The following ZNF816 variants were observed in gnomAD, a reference collection of about 807,000 sequenced individuals.
The protein encoded by ZNF816 is zinc finger protein 816A.
A neutral mutation model predicts 8.3 loss-of-function variants in ZNF816; 11 were observed. The ratio of observed to expected loss-of-function variants is 1.32; its 90% CI spans 0.83 to 2.19. The LOEUF (loss-of-function observed/expected upper bound fraction) is 2.19, where lower values mean the gene tolerates loss of function less well. ZNF816 is among the 30% of genes most tolerant of loss of function. The pLI is 0.00. For missense variants in ZNF816, 710 were observed against 779.3 expected, an observed-to-expected ratio of 0.91 and a Z score of 1.06; for synonymous variants, 255 against 254.5, an observed-to-expected ratio of 1.00 and a Z score of -0.02.
At chr19:52,958,307 G>A (rs1030961178) in intron 1 of ZNF816, among the ~76,000 whole-genome samples, 8 of 152,200 alleles carry the variant, frequency 5.3e-5, no homozygotes, top group Admixed American at 3.3e-4. Context: ...GCTGCCAGCT[G>A]AGGACAGCTG....
rs971769221 is a variant in ZNF816, at chr19:52,958,411, A to G, written c.-15-2307T>C. Among the ~76,000 whole-genome samples the G allele has an allele frequency of 8.5e-5, 13 of 152,244 alleles. 1 individual carries two copies. The highest frequency in any genetic ancestry group is 6.5e-4 in the Admixed American group (10 of 15,302). On this transcript the variant is annotated intron_variant, in intron 1 of 3. Coordinates refer to ENST00000444460, the MANE Select transcript of ZNF816 (RefSeq NM_001202457.3). ...TTGCCTTTCAGTAGGAAGATCTGGG[A>G]TCAGGTGTCACTGCTCAGTACTCTT...
chr19:52,950,125 T>G lies in ZNF816; in HGVS notation c.1650A>C (p.Ser550=), dbSNP rs1226227657. The part of the protein sequence containing the change: ...KVCDKAFRSD[S]CLANHTRVHT... ...GAACTCTCGTATGGTTTGCAAGGCA[T>G]GAATCACTCCGGAAAGCCTTGTCAC... is the stretch of plus-strand genomic sequence containing the variant. The change falls in exon 4 of 4, where the codon TCA becomes TCC. Residue 550 remains serine (S), a synonymous_variant. Transcript: ENST00000444460. The G allele has an allele frequency of 6.2e-7, 1 of 1,614,166 alleles. No homozygotes were observed. Among genetic ancestry groups the G allele is most frequent in the African/African-American group, 1.3e-5 (1 of 75,064 alleles).
At chr19:52,958,877 G>A (rs2083532559) in intron 1 of ZNF816, among the ~76,000 whole-genome samples, 1 of 152,174 alleles carries the variant, frequency 6.6e-6, no homozygotes, top group South Asian at 2.1e-4. Context: ...AAAGGGGCAG[G>A]ACCAGGAACC....
chr19:52,952,400 A>C (rs933811809), intron 3 of ZNF816: 1 of 407,284 alleles, frequency 2.5e-6, no homozygotes, highest in East Asian at 3.7e-5. Flanking sequence ...AAACAAAACC[A>C]CAAGCACAGC....
rs1005923415 is a variant in ZNF816 at position 52,949,546 on chromosome 19, T to C, written c.*273A>G. The C allele has an allele frequency of 7.5e-6, 5 of 666,816 alleles. No homozygotes were observed. The allele number at this position is 666,816 out of a possible 1,614,324, so 41.3% of individuals were successfully genotyped here. A position where few individuals can be genotyped will look rare whatever the true frequency, so the allele number is the denominator to read the frequency against. ...TCTGATGTCTAATGAGGTGTGAACA[T>C]GAAGTAAAGGCTTTGCCACAATCAT... On this transcript the variant is annotated 3_prime_UTR_variant, in exon 4 of 4. Coordinates refer to ENST00000444460, the MANE Select transcript of ZNF816 (RefSeq NM_001202457.3).
At position 52,957,617 on chromosome 19, in the gene ZNF816, C is replaced by T. The variant is rs569958959; in HGVS notation, c.-15-1513G>A. The stretch of plus-strand genomic sequence containing the variant: ...AAAGACATTGATTTTCGTATTGATA[C>T]CAGTGCTGAACATTCAGTAGTAACC... On this transcript the variant is annotated intron_variant, in intron 1 of 3. Transcript: ENST00000444460. This position sits in a 1 kb window ranked among gnomAD's most constrained non-coding sequence, Gnocchi z 4.6. 6.6e-6 allele frequency among the ~76,000 whole-genome samples: 1 copy of T among 152,250 alleles called. No homozygotes were observed. The highest frequency in any genetic ancestry group is 2.4e-5 in the African/African-American group (1 of 41,548).
chr19:52,953,392 CAAA>C, intron 2 of ZNF816: 2 of 130,674 alleles, frequency 1.5e-5, no homozygotes, highest in Non-Finnish European at 3.1e-5. Flanking sequence ...GACTCCATCT[CAAA>C]AAAAAAAAGA....
intron 1 of ZNF816, 122 bp from the exon 2 acceptor site, chr19:52,956,226 C>G: frequency 7.3e-6 from 8 of 1,094,310 alleles, no homozygotes; most frequent in Non-Finnish European, 1.0e-5. Flanking sequence ...ACCCACTGCA[C>G]CAGAGACCAT....
Position 52,949,994 on chromosome 19 carries a change from T to C in ZNF816, c.1781A>G (p.Lys594Arg). ...AAAAACCTTGCCACATTCATTACAC[T>C]TGTAAGGTTTCTCTCCAGTATGAAC... The part of the protein sequence containing the change: ...QRVHTGEKPY[K>R]CNECGKVFNQ... Residue 594 changes from lysine (K) to arginine (R), a missense_variant, in exon 4 of 4, where the codon AAG (lysine) becomes AGG (arginine). Coordinates refer to ENST00000444460, the MANE Select transcript of ZNF816 (RefSeq NM_001202457.3). 2 of 1,613,806 alleles carry C rather than the reference T, an allele frequency of 1.2e-6. No individual in the cohort carries two copies. The highest frequency in any genetic ancestry group is 1.7e-6 in the Non-Finnish European group (2 of 1,179,860).
intron 2 of ZNF816, chr19:52,953,512 A>T (rs1356767014): frequency 8.4e-5 from 10 of 118,524 alleles, no homozygotes; most frequent in African/African-American, 4.1e-4. Flanking sequence ...TTAATTATAT[A>T]TAATATATAT....
intron 2 of ZNF816, 22 bp downstream of exon 2, chr19:52,956,005 T>G: frequency 6.3e-7 from 1 of 1,595,006 alleles, no homozygotes; most frequent in Non-Finnish European, 8.5e-7. Flanking sequence ...GACAGAAGAA[T>G]CCACCAAGGA....
rs373181651 is a variant in ZNF816, at chr19:52,950,373, G to C, written c.1402C>G (p.Leu468Val). Residue 468 changes from leucine to valine, a missense_variant, in exon 4 of 4, where the codon CTT becomes GTT. Leu to Val is a conservative substitution (Grantham distance 32, BLOSUM62 1). Transcript: ENST00000444460. ...GTGTGAAGTGTATGATGGTATTGAA[G>C]GGATGACTTCCGACTGAAACTCCTG... The part of the protein sequence containing the change: ...CGRSFSRKSS[L>V]QYHHTLHTGE... The C allele has an allele frequency of 6.2e-7, 1 of 1,613,546 alleles. No individual in the cohort carries two copies. Among genetic ancestry groups the C allele is most frequent in the Non-Finnish European group, 8.5e-7 (1 of 1,179,866 alleles).
At chr19:52,953,537 ATATAATACAATATTATATATAATATG>A (rs1568438357) in intron 2 of ZNF816, 1 of 47,948 alleles carries the variant, frequency 2.1e-5, no homozygotes, top group Non-Finnish European at 3.4e-5. Context: ...AATATATAAT[ATATAATACAATATTATATATAATATG>A]TATTTATAAA....
chr19:52,952,407 C>T (rs1275770907), intron 3 of ZNF816: 2 of 415,268 alleles, frequency 4.8e-6, no homozygotes, highest in Non-Finnish European at 8.5e-6. Flanking sequence ...ACCACAAGCA[C>T]AGCTGGAAAC....
chr19:52,952,943 G>A (rs1312846062), intron 2 of ZNF816, 66 bp from the exon 3 acceptor site: 1 of 1,524,276 alleles, frequency 6.6e-7, no homozygotes, highest in African/African-American at 1.4e-5. Context: ...CACGTGAAAT[G>A]AGAAAACAGA....
At position 52,955,459 on chromosome 19, in the gene ZNF816, C is replaced by T. The variant is rs1461533776; in HGVS notation, c.63+568G>A. On this transcript the variant is annotated intron_variant, in intron 2 of 3. Transcript: ENST00000444460. ...GCCACTTAAGCCCAGGAGTTCGAGG[C>T]TGCTGTAAACTAGAATTGTGCCATT... 2.0e-5 allele frequency among the ~76,000 whole-genome samples: 3 copies of T among 152,216 alleles called. No homozygotes were observed. In the East Asian group the frequency reaches 5.8e-4, roughly 29 times the overall value.
chr19:52,954,002 T>C (rs8112137), intron 2 of ZNF816, among the ~76,000 whole-genome samples: 66,893 of 144,166 alleles, frequency 0.46, 18,484 homozygotes, highest in African/African-American at 0.79. Context: ...GGTCACACCA[T>C]TGCAATCCTG....
At position 52,950,821 on chromosome 19, in the gene ZNF816, A is replaced by G. The variant is rs1449795979; in HGVS notation, c.954T>C (p.Cys318=). Residue 318 remains cysteine (C), a synonymous_variant, in exon 4 of 4, where the codon TGT becomes TGC. Coordinates refer to ENST00000444460, the MANE Select transcript of ZNF816 (RefSeq NM_001202457.3). ...TGEKPYKCNE[C]GKTFSEKSSL... The stretch of plus-strand genomic sequence containing the variant: ...ATGACTTCTCACTGAAGGTCTTGCC[A>G]CACTCATTACACTTGTAAGGTTTCT... 1.2e-6 allele frequency: 2 copies of G among 1,614,096 alleles called. No homozygotes were observed. The highest frequency in any genetic ancestry group is 1.7e-5 in the Admixed American group (1 of 60,022).
At position 52,956,082 on chromosome 19, in the gene ZNF816, C is replaced by A; in HGVS notation, c.8G>T (p.Arg3Leu). Reference protein sequence around the residue: MLREEATKKSKEK... With the variant: MLLEEATKKSKEK... ...TTTGCTCTTCTTGGTGGCTTCCTCA[C>A]GTAACATGAGTCTTTGGAAATCCTG... The change falls in exon 2 of 4, where the codon CGT becomes CTT. Residue 3 changes from arginine to leucine, a missense_variant. By Grantham distance (102) the Arg-to-Leu change is moderately radical. Coordinates refer to ENST00000444460, the MANE Select transcript of ZNF816 (RefSeq NM_001202457.3). 1.9e-6 allele frequency: 3 copies of A among 1,610,044 alleles called. No individual in the cohort carries two copies. The highest frequency in any genetic ancestry group is 1.1e-5 in the South Asian group (1 of 90,852).
Sources: gnomAD v4.1 joint callset for allele counts (sites outside exome capture counted in the v4.1 genomes callset) on GRCh38, gnomAD v4.1.1 for gene constraint, Gnocchi (gnomAD v3.1) non-coding constraint, MANE v1.5 for transcripts, NCBI Gene and HGNC (gene_info 2026-07-23, HGNC 2026-07-21) for gene names.